SPTAN1: variants seen among roughly 807,000 people sequenced by gnomAD.
SPTAN1 encodes the protein spectrin alpha, non-erythrocytic 1.
In SPTAN1, 61 loss-of-function variants were observed where a neutral mutation model predicts 331.3. That is an observed-to-expected ratio of 0.18 (90% confidence interval 0.15 to 0.23). The LOEUF is 0.23. Among genes scored for constraint, SPTAN1 ranks in the 10% least tolerant of loss-of-function variants. The pLI is 1.00. For synonymous variants in SPTAN1, 1,153 were observed against 1,173.9 expected (o/e 0.98, Z 0.36); for missense variants, 2,043 against 3,147.9 (o/e 0.65, Z 8.40).
At chr9:128,603,060 C>T (rs1309013248) in intron 27 of SPTAN1, among the ~76,000 whole-genome samples, 2 of 152,132 alleles carry the variant, frequency 1.3e-5, no homozygotes, top group African/African-American at 2.4e-5. Context: ...CTGGTAAAGC[C>T]GTTGCCCTTC....
At chr9:128,590,240 C>T (rs80060491) in intron 21 of SPTAN1, among the ~76,000 whole-genome samples, 4,802 of 152,166 alleles carry the variant, frequency 0.032, 122 homozygotes, top group Middle Eastern at 0.11. Flanking sequence ...AAACCTAAAC[C>T]AACTTGTGGT....
In SPTAN1 at chr9:128,615,866, G is replaced by A. The variant is rs201363088; in HGVS notation, c.5357+26G>A. On this transcript the variant is annotated intron_variant, in intron 41 of 56. Transcript: ENST00000372739. ...GTATGTCTTCTCAGCCCTCTAGAAG[G>A]CCCCTTACGCCTGTAATAGTGGGCA... is the stretch of plus-strand genomic sequence containing the variant. The A allele has an allele frequency of 3.1e-6, 5 of 1,610,380 alleles. No individual in the cohort carries two copies. In the African/African-American group the frequency reaches 6.7e-5, roughly 22 times the overall value.
intron 1 of SPTAN1, chr9:128,555,383 G>A (rs1315164321): frequency 1.6e-6 from 2 of 1,289,364 alleles, no homozygotes; most frequent in East Asian, 5.6e-5. Flanking sequence ...TCATCGTTTC[G>A]TAAACGCAGA....
chr9:128,614,174 G>A (rs1235249198), intron 40 of SPTAN1, among the ~76,000 whole-genome samples: 1 of 151,966 alleles, frequency 6.6e-6, no homozygotes, highest in South Asian at 2.1e-4. Context: ...CTTAGCTGTG[G>A]TCAGGTACAG....
intron 40 of SPTAN1, among the ~76,000 whole-genome samples, chr9:128,614,697 GGCAGGAGGTTGAGGCT>G (rs1177499710): frequency 6.6e-6 from 1 of 152,160 alleles, no homozygotes; most frequent in Non-Finnish European, 1.5e-5. Flanking sequence ...CTTGAGTCCA[GGCAGGAGGTTGAGGCT>G]GCAGTGTGTG....
chr9:128,608,828 C>T (rs761348166), intron 34 of SPTAN1, 46 bp from the exon 35 acceptor site: 10 of 1,589,722 alleles, frequency 6.3e-6, no homozygotes. Flanking sequence ...CCAGGCAGGG[C>T]CCAGCCACAG....
intron 24 of SPTAN1, among the ~76,000 whole-genome samples, chr9:128,597,763 G>C (rs567960292): frequency 1.8e-4 from 28 of 152,278 alleles, no homozygotes; most frequent in African/African-American, 6.7e-4. Context: ...CGATTCTCCT[G>C]CCTCAACCTC....
chr9:128,608,871 C>T lies in SPTAN1; in HGVS notation c.4492-3C>T. On this transcript the variant is annotated splice_region_variant and splice_polypyrimidine_tract_variant and intron_variant, in intron 34 of 56. Coordinates refer to ENST00000372739, the MANE Select transcript of SPTAN1 (RefSeq NM_001130438.3). ...TTGATCTCATGCCTTTGTTTTCTGA[C>T]AGGAAGAGAAGATTGCTGCTCTGCA... The T allele has an allele frequency of 6.2e-7, 1 of 1,613,644 alleles. No homozygotes were observed. Among genetic ancestry groups the T allele is most frequent in the Non-Finnish European group, 8.5e-7 (1 of 1,179,908 alleles).
intron 45 of SPTAN1, among the ~76,000 whole-genome samples, chr9:128,623,622 A>ATT (rs777632874): frequency 0.029 from 3,385 of 117,138 alleles, 97 homozygotes; most frequent in African/African-American, 0.077. Context: ...AACCTGGCTA[A>ATT]TTTTTTTTTT....
intron 1 of SPTAN1, among the ~76,000 whole-genome samples, chr9:128,556,091 GGCCC>G (rs1482726364): frequency 6.6e-6 from 1 of 151,860 alleles, no homozygotes; most frequent in Non-Finnish European, 1.5e-5. Flanking sequence ...TGTTGTGGTG[GGCCC>G]CTGTAATCCC....
intron 24 of SPTAN1, among the ~76,000 whole-genome samples, chr9:128,596,989 A>G (rs1216005792): frequency 6.6e-6 from 1 of 152,110 alleles, no homozygotes; most frequent in Non-Finnish European, 1.5e-5. Context: ...GCAAAACCCC[A>G]TCTCTGCTGA....
At chr9:128,597,117 G>A (rs1854411046) in intron 24 of SPTAN1, among the ~76,000 whole-genome samples, 1 of 152,072 alleles carries the variant, frequency 6.6e-6, no homozygotes, top group Non-Finnish European at 1.5e-5. Context: ...CCATGATCAC[G>A]CCACTGCACT....
rs747006735 is a variant in SPTAN1, at chr9:128,627,642, C to G, written c.6689+144C>G. Reference sequence around the variant, plus strand: ...TAAAGCTGGGCTGGCAACGCCTGGTCGGGCTCTGGAGCCGGGAGTGGGGGC... The same window carrying G: ...TAAAGCTGGGCTGGCAACGCCTGGTGGGGCTCTGGAGCCGGGAGTGGGGGC... On this transcript the variant is annotated intron_variant, in intron 50 of 56. Coordinates refer to ENST00000372739, the MANE Select transcript of SPTAN1 (RefSeq NM_001130438.3). The surrounding 1 kb of genome is among the most constrained non-coding windows in gnomAD (Gnocchi z 4.9). The G allele has an allele frequency of 1.1e-6, 1 of 898,786 alleles. No homozygotes were observed. Among genetic ancestry groups the G allele is most frequent in the Non-Finnish European group, 1.8e-6 (1 of 560,822 alleles). The allele number at this position is 898,786 out of a possible 1,614,324, so 55.7% of individuals were successfully genotyped here. A position where few individuals can be genotyped will look rare whatever the true frequency, so the allele number is the denominator to read the frequency against.
intron 39 of SPTAN1, 70 bp from the exon 40 acceptor site, chr9:128,613,311 A>G (rs746833835): frequency 7.5e-7 from 1 of 1,332,706 alleles, no homozygotes; most frequent in Non-Finnish European, 1.1e-6. Context: ...GCCACTGGGC[A>G]ACCTGAATTT....
At chr9:128,611,291 G>A (rs1202699620) in intron 37 of SPTAN1, among the ~76,000 whole-genome samples, 1 of 152,020 alleles carries the variant, frequency 6.6e-6, no homozygotes, top group Non-Finnish European at 1.5e-5. Context: ...GCAACATGGC[G>A]AAACCCCATC....
rs752683769 is a variant in SPTAN1 at position 128,587,649 on chromosome 9, C to T, written c.2822C>T (p.Ala941Val). ...GAAGCTTTGATGTCAGATCTCAGTG[C>T]CTACGGCAGCAGCATCCAGGCTTTG... ...KHEALMSDLS[A>V]YGSSIQALRE... Residue 941 changes from alanine to valine, a missense_variant, in exon 20 of 57, where the codon GCC becomes GTC. Physicochemically the swap from Ala to Val is moderately conservative, Grantham distance 64. Around this residue, in one of 12 missense-constraint regions of SPTAN1, gnomAD observed 1,038 missense variants for 1,531.5 expected, o/e 0.68. Coordinates refer to ENST00000372739, the MANE Select transcript of SPTAN1 (RefSeq NM_001130438.3). The T allele has an allele frequency of 1.2e-6, 2 of 1,613,980 alleles. No individual in the cohort carries two copies. Among genetic ancestry groups the T allele is most frequent in the South Asian group, 2.2e-5 (2 of 91,078 alleles).
At chr9:128,616,416 C>A (rs1264949811) in intron 41 of SPTAN1, among the ~76,000 whole-genome samples, 1 of 151,256 alleles carries the variant, frequency 6.6e-6, no homozygotes, top group Non-Finnish European at 1.5e-5. Context: ...TGAGCCACTG[C>A]GCCTGGTCGG....
In SPTAN1 at chr9:128,615,769, A is replaced by G. The variant is rs1857091379; in HGVS notation, c.5286A>G (p.Arg1762=). The G allele has an allele frequency of 6.2e-7, 1 of 1,614,264 alleles. No homozygotes were observed. The highest frequency in any genetic ancestry group is 8.5e-7 in the Non-Finnish European group (1 of 1,180,042). ...TCAAGAGCATGGCGGCCTCCCGGCGAGCCAAGCTGAATGAATCCCATCGCC... is the reference window on the plus strand; with the variant it reads ...TCAAGAGCATGGCGGCCTCCCGGCGGGCCAAGCTGAATGAATCCCATCGCC... The part of the protein sequence containing the change: ...QKIKSMAASR[R]AKLNESHRLH... Residue 1762 remains arginine (R), a synonymous_variant, in exon 41 of 57, where the codon CGA becomes CGG. Transcript: ENST00000372739.
At chr9:128,628,528 G>C (rs1017553246) in intron 51 of SPTAN1, 26 of 260,574 alleles carry the variant, frequency 1.0e-4, no homozygotes, top group Non-Finnish European at 1.8e-4. Context: ...GACGTGGGAG[G>C]AGCCCCAGGG....
Sources: gnomAD v4.1 joint callset for allele counts (sites outside exome capture counted in the v4.1 genomes callset) on GRCh38, gnomAD v4.1.1 for gene constraint, gnomAD v4.1.1 regional missense constraint, Gnocchi (gnomAD v3.1) non-coding constraint, MANE v1.5 for transcripts, NCBI Gene and HGNC (gene_info 2026-07-23, HGNC 2026-07-21) for gene names.